Variants in ZNF287 observed in about 807,000 individuals in gnomAD.
ZNF287 encodes zinc finger protein with KRAB and SCAN domains 13.
In ZNF287, 31 loss-of-function variants were observed where a neutral mutation model predicts 73.7. That is an observed-to-expected ratio of 0.42 (90% confidence interval 0.32 to 0.57). The LOEUF is 0.57. Among genes scored for constraint, ZNF287 ranks in the 20% least tolerant of loss-of-function variants. The pLI, the probability that ZNF287 is intolerant of heterozygous loss-of-function variation, is 0.13. For synonymous variants in ZNF287, 301 were observed against 307.2 expected (o/e 0.98, Z 0.21); for missense variants, 641 against 909.3 (o/e 0.70, Z 3.79).
intron 5 of ZNF287, among the ~76,000 whole-genome samples, chr17:16,560,596 C>T (rs1907383336): frequency 6.6e-6 from 1 of 152,076 alleles, no homozygotes; most frequent in East Asian, 2.0e-4. Context: ...GATCCGCCCA[C>T]CTTGGCCTCC....
Sources: allele counts gnomAD v4.1 joint callset (sites outside exome capture counted in the v4.1 genomes callset), GRCh38; gene constraint gnomAD v4.1.1; transcripts MANE v1.5; gene names NCBI Gene and HGNC (gene_info 2026-07-23, HGNC 2026-07-21).